The following APLP2 variants were observed in gnomAD, a reference collection of about 807,000 sequenced individuals.
The protein encoded by APLP2 is amyloid beta precursor like protein 2.
Under a neutral mutation model 89.9 loss-of-function variants are expected in APLP2, and 53 were observed. The observed-to-expected ratio is 0.59, with a 90% CI of 0.47 to 0.74. The LOEUF (loss-of-function observed/expected upper bound fraction) is 0.74, where lower values mean the gene tolerates loss of function less well. Ranked by LOEUF, APLP2 falls within the 30% of genes least tolerant of loss-of-function variation. APLP2 has a pLI of 0.00. For missense variants in APLP2, 973 were observed against 975.9 expected, an observed-to-expected ratio of 1.00 and a Z score of 0.04; for synonymous variants, 372 against 348.6, an observed-to-expected ratio of 1.07 and a Z score of -0.75.
chr11:130,090,372 A>G (rs1240433680), intron 1 of APLP2, among the ~76,000 whole-genome samples: 2 of 147,638 alleles, frequency 1.4e-5, no homozygotes, highest in East Asian at 4.0e-4. Flanking sequence ...AAACAAGTGA[A>G]CAAAGGTCTC....
At chr11:130,140,566 G>T in intron 14 of APLP2, 83 bp downstream of exon 14, 1 of 1,170,180 alleles carries the variant, frequency 8.5e-7, no homozygotes, top group Non-Finnish European at 1.2e-6. Context: ...ATGCTTCCAG[G>T]TGCACGTCTC....
intron 3 of APLP2, among the ~76,000 whole-genome samples, chr11:130,114,070 G>T (rs1948900431): frequency 6.6e-6 from 1 of 152,096 alleles, no homozygotes; most frequent in Non-Finnish European, 1.5e-5. Flanking sequence ...CGTAACCGTG[G>T]TATAATCATC....
intron 1 of APLP2, among the ~76,000 whole-genome samples, chr11:130,092,047 T>G (rs1945368841): frequency 2.7e-5 from 3 of 112,032 alleles, no homozygotes; most frequent in Admixed American, 8.1e-5. Context: ...CCAGACGGGG[T>G]CTCGGCCGGG....
rs1264894580 is a variant in APLP2, at chr11:130,144,279, G to A, written c.*831G>A. 2 of 152,250 alleles carry A rather than the reference G, an allele frequency of 1.3e-5. No individual in the cohort carries two copies. The highest frequency in any genetic ancestry group is 4.8e-5 in the African/African-American group (2 of 41,420). 9.4% of individuals were successfully genotyped at this position (152,250 alleles called of 1,614,324 possible). A position where few individuals can be genotyped will look rare whatever the true frequency, so the allele number is the denominator to read the frequency against. ...CTTCCCCTTCCAACTATGTCCAGAT[G>A]TGCAGGCTCCTCCTCTCTGGACTTT... On this transcript the variant is annotated 3_prime_UTR_variant, in exon 17 of 17. Transcript: ENST00000338167.
At chr11:130,092,095 C>T (rs1278387302) in intron 1 of APLP2, among the ~76,000 whole-genome samples, 12 of 123,782 alleles carry the variant, frequency 9.7e-5, no homozygotes, top group African/African-American at 4.3e-4. Context: ...GGCGGCGGGG[C>T]AGAGGCGCTC....
At position 130,110,521 on chromosome 11, in the gene APLP2, GTT is replaced by G; in HGVS notation, c.280-15_280-14del. 2.7e-5 allele frequency: 43 copies of G among 1,611,840 alleles called. No homozygotes were observed. Among genetic ancestry groups the G allele is most frequent in the Non-Finnish European group, 3.6e-5 (42 of 1,179,310 alleles). ...CTGCAGATTGATTTATTGTGTGTGT[GTT>G]TGTTTTCTTAACAGATGTATCCAGA... On this transcript the variant is annotated splice_polypyrimidine_tract_variant and intron_variant, in intron 2 of 16. Coordinates refer to ENST00000338167, the MANE Select transcript of APLP2 (RefSeq NM_001142276.2).
intron 1 of APLP2, among the ~76,000 whole-genome samples, chr11:130,107,734 CA>C (rs1565575272): frequency 6.6e-6 from 1 of 152,080 alleles, no homozygotes; most frequent in African/African-American, 2.4e-5. Flanking sequence ...CATATGGAAC[CA>C]AAAAAGAGCC....
At chr11:130,090,242 T>G (rs1591775791) in intron 1 of APLP2, among the ~76,000 whole-genome samples, 1 of 145,762 alleles carries the variant, frequency 6.9e-6, no homozygotes, top group African/African-American at 2.5e-5. Flanking sequence ...TAGTTCTAGC[T>G]CTGTCTTTTT....
chr11:130,133,836 G>A, intron 12 of APLP2, 108 bp downstream of exon 12: 5 of 805,638 alleles, frequency 6.2e-6, no homozygotes, highest in South Asian at 1.5e-5. Flanking sequence ...CCGGTGAAGT[G>A]GGGCATTAGC....
At chr11:130,142,104 C>T (rs763306056) in intron 16 of APLP2, 30 bp downstream of exon 16, 4 of 1,591,854 alleles carry the variant, frequency 2.5e-6, no homozygotes, top group Non-Finnish European at 3.4e-6. Context: ...AGGGCCTGCT[C>T]TGCACTGTGG....
At chr11:130,090,275 ATTT>A (rs963735327) in intron 1 of APLP2, among the ~76,000 whole-genome samples, 1 of 83,734 alleles carries the variant, frequency 1.2e-5, no homozygotes, top group Non-Finnish European at 2.5e-5. Flanking sequence ...TTTTAAATTT[ATTT>A]TTTTATTGAT....
chr11:130,111,067 A>G (rs982420645), intron 3 of APLP2, among the ~76,000 whole-genome samples: 9 of 152,140 alleles, frequency 5.9e-5, no homozygotes, highest in Non-Finnish European at 1.3e-4. Context: ...AATTTCTGCT[A>G]GTTTTCAGGA....
At chr11:130,102,862 T>G (rs1401024935) in intron 1 of APLP2, among the ~76,000 whole-genome samples, 4 of 152,260 alleles carry the variant, frequency 2.6e-5, no homozygotes, top group Admixed American at 1.3e-4. Flanking sequence ...AAAATGGAAT[T>G]TCTTATTAAG....
Position 130,143,461 on chromosome 11 carries a change from G to T in APLP2, c.*13G>T. 2.5e-6 allele frequency: 4 copies of T among 1,607,316 alleles called. No individual in the cohort carries two copies. Among genetic ancestry groups the T allele is most frequent in the Non-Finnish European group, 3.4e-6 (4 of 1,174,158 alleles). On this transcript the variant is annotated 3_prime_UTR_variant, in exon 17 of 17. Coordinates refer to ENST00000338167, the MANE Select transcript of APLP2 (RefSeq NM_001142276.2). The stretch of plus-strand genomic sequence containing the variant: ...GATGCAGATTTAGGTGGCAGGGAGC[G>T]CGGCAGCCCTGGCGGAGGGATGCAG...
rs1490918714 is a variant in APLP2, at chr11:130,143,683, A to G, written c.*235A>G. On this transcript the variant is annotated 3_prime_UTR_variant, in exon 17 of 17. Transcript: ENST00000338167. ...ATATAAACCTTAAATGAAAAAAATG[A>G]TCTATTGCAGATATTTGATGTAGTT... is the stretch of plus-strand genomic sequence containing the variant. The G allele has an allele frequency of 6.9e-6, 3 of 432,564 alleles. No homozygotes were observed. Among genetic ancestry groups the G allele is most frequent in the Non-Finnish European group, 1.2e-5 (3 of 240,048 alleles). The allele number at this position is 432,564 out of a possible 1,614,324, so 26.8% of individuals were successfully genotyped here. A position where few individuals can be genotyped will look rare whatever the true frequency, so the allele number is the denominator to read the frequency against.
Position 130,123,535 on chromosome 11 carries a change from C to A in APLP2, c.923-77C>A. 1.4e-6 allele frequency: 2 copies of A among 1,478,778 alleles called. No homozygotes were observed. Among genetic ancestry groups the A allele is most frequent in the Non-Finnish European group, 1.8e-6 (2 of 1,094,888 alleles). 91.6% of individuals were successfully genotyped at this position (1,478,778 alleles called of 1,614,324 possible). On this transcript the variant is annotated intron_variant, in intron 6 of 16. Coordinates refer to ENST00000338167, the MANE Select transcript of APLP2 (RefSeq NM_001142276.2). The surrounding 1 kb of genome is among the most constrained non-coding windows in gnomAD (Gnocchi z 4.0). ...AGGCCTCCCCCAGCCCATCCCCCAG[C>A]TCGCCAGCCTGTAGCATTTTGAAGC...
At chr11:130,081,317 T>A (rs1413643439) in intron 1 of APLP2, among the ~76,000 whole-genome samples, 1 of 152,214 alleles carries the variant, frequency 6.6e-6, no homozygotes, top group East Asian at 1.9e-4. Context: ...ATGCTGTGAA[T>A]TTGGATTTGA....
intron 12 of APLP2, among the ~76,000 whole-genome samples, chr11:130,134,574 A>G (rs2136082936): frequency 6.6e-6 from 1 of 152,374 alleles, no homozygotes; most frequent in East Asian, 1.9e-4. Flanking sequence ...AGCTAGGGAA[A>G]GACTAGATCT....
At chr11:130,104,943 C>T (rs1214193343) in intron 1 of APLP2, among the ~76,000 whole-genome samples, 1 of 152,142 alleles carries the variant, frequency 6.6e-6, no homozygotes, top group East Asian at 1.9e-4. Context: ...AAAGCAGGTT[C>T]ATTTTAATAA....
Sources: allele counts gnomAD v4.1 joint callset (sites outside exome capture counted in the v4.1 genomes callset), GRCh38; gene constraint gnomAD v4.1.1; non-coding constraint Gnocchi (gnomAD v3.1); transcripts MANE v1.5; gene names NCBI Gene and HGNC (gene_info 2026-07-23, HGNC 2026-07-21).